The following AP4E1 variants were observed in gnomAD, a reference collection of about 807,000 sequenced individuals.
AP4E1 encodes the protein adaptor related protein complex 4 subunit epsilon 1.
AP4E1 carries 56 observed loss-of-function variants against 128.2 expected under a neutral mutation model. The observed-to-expected ratio is 0.44, with a 90% CI of 0.35 to 0.55. AP4E1 has a LOEUF of 0.55. AP4E1 is among the 20% of genes least tolerant of loss of function. The pLI is 0.00. For synonymous variants in AP4E1, 484 were observed against 473.1 expected (o/e 1.02, Z -0.30); for missense variants, 1,324 against 1,307.7 (o/e 1.01, Z -0.19).
intron 15 of AP4E1, among the ~76,000 whole-genome samples, chr15:50,975,235 A>G (rs958464264): frequency 2.0e-5 from 3 of 152,158 alleles, no homozygotes; most frequent in Non-Finnish European, 2.9e-5. Context: ...GAGATACCTC[A>G]TCTCTACTGA....
intron 7 of AP4E1, among the ~76,000 whole-genome samples, chr15:50,932,292 CT>C (rs2063845951): frequency 6.6e-6 from 1 of 152,076 alleles, no homozygotes; most frequent in Non-Finnish European, 1.5e-5. Flanking sequence ...TTTTGCCCTA[CT>C]TTTTCAAACT....
At position 50,916,217 on chromosome 15, in the gene AP4E1, A is replaced by C. The variant is rs2063629409; in HGVS notation, c.346+646A>C. On this transcript the variant is annotated intron_variant, in intron 3 of 20. Transcript: ENST00000261842. ...AGCGCTGGGATTACAGGTGTGAACCACTGCGCCTGGTCAATAGAGCTGATA... is the reference window on the plus strand; with the variant it reads ...AGCGCTGGGATTACAGGTGTGAACCCCTGCGCCTGGTCAATAGAGCTGATA... 2.0e-5 allele frequency among the ~76,000 whole-genome samples: 3 copies of C among 152,238 alleles called. No individual in the cohort carries two copies. In the South Asian group the frequency reaches 6.2e-4, roughly 31 times the overall value.
At chr15:50,916,668 A>C (rs1415068067) in intron 3 of AP4E1, among the ~76,000 whole-genome samples, 3 of 152,158 alleles carry the variant, frequency 2.0e-5, no homozygotes, top group Non-Finnish European at 2.9e-5. Context: ...ACAATATTCC[A>C]CTTGTGGAAC....
At position 50,997,768 on chromosome 15, in the gene AP4E1, C is replaced by T. The variant is rs765322770; in HGVS notation, c.2789C>T (p.Ser930Phe). Residue 930 changes from serine (S) to phenylalanine (F), a missense_variant, in exon 18 of 21, where the codon TCT (serine) becomes TTT (phenylalanine). Physicochemically the swap from Ser to Phe is radical, Grantham distance 155 (BLOSUM62 -2). Transcript: ENST00000261842. ...EVCNNETISV[S>F]SYKIWKDDCL... The stretch of plus-strand genomic sequence containing the variant: ...TGTAATAATGAAACTATATCAGTGT[C>T]TTCTTATAAAATTTGGAAAGATGAT... 43 of 1,610,682 alleles carry T rather than the reference C, an allele frequency of 2.7e-5. No homozygotes were observed. Among genetic ancestry groups the T allele is most frequent in the Non-Finnish European group, 3.6e-5 (42 of 1,178,274 alleles).
chr15:50,927,836 C>T (rs538448482), intron 5 of AP4E1, among the ~76,000 whole-genome samples: 8 of 152,070 alleles, frequency 5.3e-5, no homozygotes, highest in African/African-American at 9.7e-5. Context: ...TGAGATTCTA[C>T]GACAGAAATA....
At chr15:50,984,801 A>G (rs925988675) in intron 16 of AP4E1, among the ~76,000 whole-genome samples, 1 of 152,162 alleles carries the variant, frequency 6.6e-6, no homozygotes. Flanking sequence ...AGCATGATTT[A>G]TACTCCTTTG....
At chr15:50,916,612 G>A (rs1207417165) in intron 3 of AP4E1, among the ~76,000 whole-genome samples, 2 of 152,192 alleles carry the variant, frequency 1.3e-5, no homozygotes, top group African/African-American at 4.8e-5. Context: ...AGATGACGGG[G>A]TGAAGGTGAC....
intron 3 of AP4E1, among the ~76,000 whole-genome samples, chr15:50,917,523 A>C (rs1040370678): frequency 6.6e-6 from 1 of 151,898 alleles, no homozygotes; most frequent in East Asian, 1.9e-4. Context: ...ATTTTGTTAA[A>C]GACTCTGGAA....
intron 1 of AP4E1, among the ~76,000 whole-genome samples, chr15:50,910,686 C>T (rs2619694): frequency 0.57 from 85,965 of 152,080 alleles, 24,496 homozygotes; most frequent in Middle Eastern, 0.62. Flanking sequence ...GATGGAGTCT[C>T]ACTCTGTCGC....
intron 8 of AP4E1, among the ~76,000 whole-genome samples, chr15:50,940,207 A>G (rs2063965194): frequency 6.6e-6 from 1 of 152,198 alleles, no homozygotes; most frequent in Non-Finnish European, 1.5e-5. Flanking sequence ...ATTTTATAGC[A>G]TAGCATCTGA....
At chr15:50,943,784 A>T (rs2140848996) in intron 10 of AP4E1, among the ~76,000 whole-genome samples, 3 of 152,310 alleles carry the variant, frequency 2.0e-5, no homozygotes, top group African/African-American at 7.2e-5. Flanking sequence ...TGGCTACTTT[A>T]TGATTAATGG....
intron 13 of AP4E1, among the ~76,000 whole-genome samples, chr15:50,955,634 C>T (rs2064211852): frequency 6.6e-6 from 1 of 152,144 alleles, no homozygotes; most frequent in Non-Finnish European, 1.5e-5. Context: ...ATCCTGACTC[C>T]ATCAGGCTTC....
chr15:50,993,709 C>T (rs987165470), intron 17 of AP4E1, 84 bp downstream of exon 17: 25 of 1,541,724 alleles, frequency 1.6e-5, no homozygotes, highest in Non-Finnish European at 2.0e-5. Context: ...TCCTGGCTGT[C>T]GTCTATATGT....
intron 17 of AP4E1, among the ~76,000 whole-genome samples, chr15:50,996,194 C>T (rs2064871763): frequency 7.2e-6 from 1 of 139,032 alleles, no homozygotes; most frequent in African/African-American, 2.6e-5. Context: ...GACGGGGTTT[C>T]ACCATGTTGG....
intron 3 of AP4E1, among the ~76,000 whole-genome samples, chr15:50,920,111 T>C: frequency 1.3e-5 from 1 of 79,658 alleles, no homozygotes. Flanking sequence ...AATTTATGCC[T>C]TTTTTTTTTT....
Position 50,909,804 on chromosome 15 carries a change from C to T in AP4E1, c.150+876C>T, listed in dbSNP as rs527541412. ...CCGGGTTCACGCCATTCTCCTGCCT[C>T]AGCTTCCCGAGTAGCTGGGACTACA... On this transcript the variant is annotated intron_variant, in intron 1 of 20. Coordinates refer to ENST00000261842, the MANE Select transcript of AP4E1 (RefSeq NM_007347.5). Among the ~76,000 whole-genome samples, 28 of 152,098 alleles carry T rather than the reference C, an allele frequency of 1.8e-4. No individual in the cohort carries two copies. In the South Asian group the frequency reaches 4.1e-3, roughly 23 times the overall value.
At chr15:51,000,996 C>T in intron 19 of AP4E1, 30 bp from the exon 20 acceptor site, 1 of 1,542,220 alleles carries the variant, frequency 6.5e-7, no homozygotes, top group Non-Finnish European at 9.0e-7. Flanking sequence ...CTGTTTTTGA[C>T]ATATATCTAA....
At chr15:50,988,434 C>T (rs2064759329) in intron 16 of AP4E1, among the ~76,000 whole-genome samples, 1 of 152,074 alleles carries the variant, frequency 6.6e-6, no homozygotes. Flanking sequence ...CCTGCCTCAG[C>T]CTTCCGAGTA....
At chr15:50,981,336 C>G (rs549156982) in intron 15 of AP4E1, among the ~76,000 whole-genome samples, 1 of 152,198 alleles carries the variant, frequency 6.6e-6, no homozygotes, top group Admixed American at 6.5e-5. Context: ...GTTGATTTCT[C>G]TGTTGGGCTT....
Sources: gnomAD v4.1 joint callset for allele counts (sites outside exome capture counted in the v4.1 genomes callset) on GRCh38, gnomAD v4.1.1 for gene constraint, MANE v1.5 for transcripts, NCBI Gene and HGNC (gene_info 2026-07-23, HGNC 2026-07-21) for gene names.